PTPRD: variants seen among roughly 807,000 people sequenced by gnomAD.
PTPRD encodes the protein receptor-type tyrosine-protein phosphatase delta.
In PTPRD, 34 loss-of-function variants were observed where a neutral mutation model predicts 214.5. The ratio of observed to expected loss-of-function variants is 0.16; its 90% CI spans 0.12 to 0.21. The LOEUF is 0.21. Ranked by LOEUF, PTPRD falls within the 10% of genes least tolerant of loss-of-function variation. PTPRD has a pLI of 1.00. For missense variants in PTPRD, 2,545 were observed against 2,398.7 expected (o/e 1.06, Z -1.27); for synonymous variants, 1,128 against 845.7 (o/e 1.33, Z -5.79).
At chr9:10,278,747 A>G (rs1232412005) in intron 3 of PTPRD, among the ~76,000 whole-genome samples, 1 of 151,746 alleles carries the variant, frequency 6.6e-6, no homozygotes, top group African/African-American at 2.4e-5. Flanking sequence ...TCTTATCTTC[A>G]TGTGTGGTAA....
At chr9:9,489,843 T>C (rs1200836412) in intron 8 of PTPRD, among the ~76,000 whole-genome samples, 1 of 152,020 alleles carries the variant, frequency 6.6e-6, no homozygotes, top group East Asian at 1.9e-4. Context: ...AAATATTTAA[T>C]GAAATAGAGT....
At chr9:9,409,133 T>A (rs188964257) in intron 8 of PTPRD, among the ~76,000 whole-genome samples, 242 of 152,122 alleles carry the variant, frequency 1.6e-3, no homozygotes, top group African/African-American at 5.5e-3. Flanking sequence ...TGCTTTCTTA[T>A]TTTAATATAA....
intron 11 of PTPRD, among the ~76,000 whole-genome samples, chr9:8,814,422 G>T (rs1186795661): frequency 6.6e-6 from 1 of 152,086 alleles, no homozygotes; most frequent in African/African-American, 2.4e-5. Flanking sequence ...CCCCACAGAA[G>T]GAATGTTCAG....
chr9:8,631,254 T>C (rs537326380), intron 14 of PTPRD, among the ~76,000 whole-genome samples: 220 of 152,056 alleles, frequency 1.4e-3, no homozygotes, highest in Non-Finnish European at 2.3e-3. Context: ...TTCTTTTTTT[T>C]CCCTAATGTC....
chr9:10,178,169 AGATAT>A (rs1418093028), intron 3 of PTPRD, among the ~76,000 whole-genome samples: 1 of 151,966 alleles, frequency 6.6e-6, no homozygotes, highest in East Asian at 1.9e-4. Context: ...AAGTTGTAAA[AGATAT>A]TTACTTCCCT....
Position 9,152,896 on chromosome 9 carries a change from T to C in PTPRD, c.-143+30408A>G, listed in dbSNP as rs75593548. Among the ~76,000 whole-genome samples, 400 of 152,318 alleles carry C rather than the reference T, an allele frequency of 2.6e-3. 1 individual carries two copies. The highest frequency in any genetic ancestry group is 9.1e-3 in the African/African-American group (380 of 41,574). On this transcript the variant is annotated intron_variant, in intron 10 of 45. Coordinates refer to ENST00000381196, the MANE Select transcript of PTPRD (RefSeq NM_002839.4). ...CCGATGAGAGGGGCACACATTTACT[T>C]GTGAATTAAGAATCAAATGTATCTT...
At chr9:8,423,179 G>T (rs1453611066) in intron 35 of PTPRD, among the ~76,000 whole-genome samples, 1 of 151,164 alleles carries the variant, frequency 6.6e-6, no homozygotes, top group Non-Finnish European at 1.5e-5. Flanking sequence ...AATCTAAAAA[G>T]ATCGTCCAGT....
chr9:9,564,049 A>G (rs2083659842), intron 8 of PTPRD, among the ~76,000 whole-genome samples: 1 of 152,130 alleles, frequency 6.6e-6, no homozygotes, highest in South Asian at 2.1e-4. Context: ...TTTCCAGCTC[A>G]TTCTAATAGC....
intron 11 of PTPRD, among the ~76,000 whole-genome samples, chr9:8,811,872 T>A (rs2096813714): frequency 6.6e-6 from 1 of 152,210 alleles, no homozygotes; most frequent in Admixed American, 6.5e-5. Flanking sequence ...TCGCTAAGGA[T>A]CTCAGAGCAT....
chr9:9,980,486 T>C (rs1255701535), intron 4 of PTPRD, among the ~76,000 whole-genome samples: 1 of 151,522 alleles, frequency 6.6e-6, no homozygotes, highest in Non-Finnish European at 1.5e-5. Context: ...TACATGCCTG[T>C]AGTCCCAGCT....
intron 11 of PTPRD, among the ~76,000 whole-genome samples, chr9:8,761,243 G>A (rs1416040100): frequency 6.6e-6 from 1 of 152,126 alleles, no homozygotes; most frequent in Non-Finnish European, 1.5e-5. Context: ...CAAGTAAGGT[G>A]GGGACAGAAA....
At chr9:9,957,900 G>C (rs1051795237) in intron 4 of PTPRD, among the ~76,000 whole-genome samples, 5 of 151,706 alleles carry the variant, frequency 3.3e-5, no homozygotes, top group African/African-American at 1.2e-4. Context: ...AAAAAAATTA[G>C]AAGAGCCCAG....
chr9:9,157,576 G>A (rs981628747), intron 10 of PTPRD, among the ~76,000 whole-genome samples: 4 of 152,056 alleles, frequency 2.6e-5, no homozygotes, highest in African/African-American at 9.7e-5. Context: ...TGAATCAACA[G>A]AAATTCTAAA....
chr9:9,311,507 C>T (rs1958994144), intron 9 of PTPRD, among the ~76,000 whole-genome samples: 1 of 152,106 alleles, frequency 6.6e-6, no homozygotes, highest in South Asian at 2.1e-4. Flanking sequence ...GTCTAATAAT[C>T]CTGAATTACA....
chr9:10,247,954 GT>G lies in PTPRD; in HGVS notation c.-545+93008del, dbSNP rs535137074. On this transcript the variant is annotated intron_variant, in intron 3 of 45. Coordinates refer to ENST00000381196, the MANE Select transcript of PTPRD (RefSeq NM_002839.4). ...ATAGACGATTGAATTATGGGGGCAG[GT>G]TTTTCCCATGCTGTTCTCATGATAG... Among the ~76,000 whole-genome samples the G allele has an allele frequency of 4.0e-3, 604 of 152,160 alleles. 7 individuals carry two copies. Among genetic ancestry groups the G allele is most frequent in the African/African-American group, 0.013 (553 of 41,518 alleles).
intron 11 of PTPRD, among the ~76,000 whole-genome samples, chr9:8,905,755 A>AT (rs1555503975): frequency 4.0e-5 from 6 of 150,922 alleles, no homozygotes; most frequent in Admixed American, 2.0e-4. Context: ...AAAAAAAAAA[A>AT]TGGAGAGAGA....
At chr9:9,769,041 A>G (rs1036950291) in intron 5 of PTPRD, among the ~76,000 whole-genome samples, 14 of 152,174 alleles carry the variant, frequency 9.2e-5, no homozygotes, top group Non-Finnish European at 1.8e-4. Flanking sequence ...CATATTTACT[A>G]TTTAAGATTG....
At chr9:9,363,111 C>CTTTTTTTTTTTTTTT (rs3048061) in intron 9 of PTPRD, among the ~76,000 whole-genome samples, 2 of 129,860 alleles carry the variant, frequency 1.5e-5, no homozygotes, top group African/African-American at 2.8e-5. Context: ...CTATTTTGTG[C>CTTTTTTTTTTTTTTT]TTTTTTTTTT....
chr9:9,313,624 G>T (rs1960556299), intron 9 of PTPRD, among the ~76,000 whole-genome samples: 1 of 152,118 alleles, frequency 6.6e-6, no homozygotes, highest in South Asian at 2.1e-4. Flanking sequence ...GGGGAGGAGG[G>T]GTGGATGCCT....
Sources: gnomAD v4.1 joint callset for allele counts (sites outside exome capture counted in the v4.1 genomes callset) on GRCh38, gnomAD v4.1.1 for gene constraint, MANE v1.5 for transcripts, NCBI Gene and HGNC (gene_info 2026-07-23, HGNC 2026-07-21) for gene names.